HERC1: variants seen among roughly 807,000 people sequenced by gnomAD.
HERC1 encodes HECT and RLD domain containing E3 ubiquitin protein ligase family member 1.
A neutral mutation model predicts 554.3 loss-of-function variants in HERC1; 160 were observed. The observed-to-expected ratio is 0.29, with a 90% CI of 0.25 to 0.33. The LOEUF (loss-of-function observed/expected upper bound fraction) is 0.33, where lower values mean the gene tolerates loss of function less well. HERC1 is among the 10% of genes least tolerant of loss of function. The pLI is 1.00. For synonymous variants in HERC1, 2,175 were observed against 2,131.7 expected, an observed-to-expected ratio of 1.02 and a Z score of -0.56; for missense variants, 4,919 against 5,918.5, an observed-to-expected ratio of 0.83 and a Z score of 5.54.
chr15:63,831,472 TTA>T (rs1267594131), intron 1 of HERC1, among the ~76,000 whole-genome samples: 1 of 152,246 alleles, frequency 6.6e-6, no homozygotes, highest in Non-Finnish European at 1.5e-5. Context: ...TTACTTGCTA[TTA>T]TATAGTTATC....
At chr15:63,719,127 G>C (rs1262593834) in intron 19 of HERC1, among the ~76,000 whole-genome samples, 1 of 152,114 alleles carries the variant, frequency 6.6e-6, no homozygotes, top group Non-Finnish European at 1.5e-5. Flanking sequence ...GGAGGAGCAG[G>C]GTGGGAGATA....
At chr15:63,801,813 T>C (rs541916870) in intron 1 of HERC1, among the ~76,000 whole-genome samples, 1 of 152,312 alleles carries the variant, frequency 6.6e-6, no homozygotes, top group East Asian at 1.9e-4. Flanking sequence ...CTCCTCCTCT[T>C]CATGTACATA....
In HERC1 at chr15:63,609,046, G is replaced by C. The variant is rs2067479376; in HGVS notation, c.*35C>G. On this transcript the variant is annotated 3_prime_UTR_variant, in exon 78 of 78. Transcript: ENST00000443617. ...CATCAAATCAGAAGTGAGCATTATT[G>C]AGGGAGAGAAGGGAGGGTGAGAGCA... 1 of 1,582,416 alleles carries C rather than the reference G, an allele frequency of 6.3e-7. No individual in the cohort carries two copies. The highest frequency in any genetic ancestry group is 8.6e-7 in the Non-Finnish European group (1 of 1,157,584).
chr15:63,615,342 C>G (rs961422996), intron 76 of HERC1, among the ~76,000 whole-genome samples: 1 of 152,228 alleles, frequency 6.6e-6, no homozygotes, highest in African/African-American at 2.4e-5. Flanking sequence ...AGTGCGGTGG[C>G]TCACACCTGT....
intron 1 of HERC1, among the ~76,000 whole-genome samples, chr15:63,809,008 T>C (rs2077216652): frequency 6.6e-6 from 1 of 151,964 alleles, no homozygotes; most frequent in Non-Finnish European, 1.5e-5. Flanking sequence ...AAATAAAAAA[T>C]GAAGAAATAG....
At chr15:63,621,441 T>G (rs569572985) in intron 74 of HERC1, among the ~76,000 whole-genome samples, 109 of 152,306 alleles carry the variant, frequency 7.2e-4, no homozygotes, top group African/African-American at 2.3e-3. Flanking sequence ...TTCCTTCATT[T>G]CAACTTTGGT....
chr15:63,631,133 C>T (rs1305482377), intron 68 of HERC1, among the ~76,000 whole-genome samples: 2 of 152,168 alleles, frequency 1.3e-5, no homozygotes, highest in Non-Finnish European at 2.9e-5. Context: ...CACATGCCAC[C>T]ATGCCTGGCT....
intron 1 of HERC1, among the ~76,000 whole-genome samples, chr15:63,798,593 T>G (rs1178201176): frequency 1.3e-5 from 2 of 150,022 alleles, no homozygotes; most frequent in Non-Finnish European, 1.5e-5. Flanking sequence ...ACTTGAAAAC[T>G]AGTGCTTTCT....
At chr15:63,755,485 G>A (rs1418308854) in intron 5 of HERC1, among the ~76,000 whole-genome samples, 160 bp from the exon 6 acceptor site, 1 of 152,204 alleles carries the variant, frequency 6.6e-6, no homozygotes, top group Non-Finnish European at 1.5e-5. Context: ...AAGGATGACT[G>A]GCTAAGAGTT....
intron 1 of HERC1, among the ~76,000 whole-genome samples, chr15:63,817,965 C>A (rs1273921022): frequency 6.6e-6 from 1 of 151,828 alleles, no homozygotes; most frequent in Non-Finnish European, 1.5e-5. Context: ...ATAGATTAAT[C>A]CAGAGTCAGG....
intron 63 of HERC1, 126 bp from the exon 64 acceptor site, chr15:63,637,769 G>A (rs2152828171): frequency 4.9e-6 from 3 of 610,808 alleles, no homozygotes; most frequent in Non-Finnish European, 8.0e-6. Flanking sequence ...TACTGAAAGG[G>A]AAGAGTTGAT....
In HERC1 at chr15:63,766,486, G is replaced by A. The variant is rs544365229; in HGVS notation, c.931-2295C>T. Reference sequence around the variant, plus strand: ...GCCTGTAATCCTAGATACTTGAGAGGCTGAGGCAGGAAAATCGCTTGAACC... The same window carrying A: ...GCCTGTAATCCTAGATACTTGAGAGACTGAGGCAGGAAAATCGCTTGAACC... On this transcript the variant is annotated intron_variant, in intron 2 of 77. Transcript: ENST00000443617. Among the ~76,000 whole-genome samples the A allele has an allele frequency of 2.0e-5, 3 of 152,280 alleles. No homozygotes were observed. The South Asian group carries it at 6.2e-4, about 32-fold the overall frequency.
At chr15:63,641,877 G>T (rs1291168100) in intron 59 of HERC1, among the ~76,000 whole-genome samples, 1 of 151,720 alleles carries the variant, frequency 6.6e-6, no homozygotes, top group African/African-American at 2.4e-5. Context: ...TGATTAGCTG[G>T]TACTTTTTAA....
At position 63,754,068 on chromosome 15, in the gene HERC1, G is replaced by A. The variant is rs796503827; in HGVS notation, c.1774+437C>T. Among the ~76,000 whole-genome samples, 10 of 152,108 alleles carry A rather than the reference G, an allele frequency of 6.6e-5. 1 individual carries two copies. The South Asian group carries it at 2.1e-3, about 32-fold the overall frequency. On this transcript the variant is annotated intron_variant, in intron 7 of 77. Coordinates refer to ENST00000443617, the MANE Select transcript of HERC1 (RefSeq NM_003922.4). ...GCATGCCTGTAGTCCCAGCTACTTGGGGGGCTGAGGCAGGAGGATCGCTTG... is the reference window on the plus strand; with the variant it reads ...GCATGCCTGTAGTCCCAGCTACTTGAGGGGCTGAGGCAGGAGGATCGCTTG...
intron 1 of HERC1, among the ~76,000 whole-genome samples, chr15:63,783,598 G>A (rs1053945069): frequency 6.6e-6 from 1 of 151,910 alleles, no homozygotes; most frequent in Non-Finnish European, 1.5e-5. Context: ...TGTACTTTTC[G>A]CTTTATTGCA....
At position 63,718,020 on chromosome 15, in the gene HERC1, GA is replaced by G. The variant is rs2073640284; in HGVS notation, c.3978+553del. ...TCCTAGTTGTGTCCTCCGGAACAAG[GA>G]AAACATTTATTTCCTCTCTTACAGA... is the stretch of plus-strand genomic sequence containing the variant. On this transcript the variant is annotated intron_variant, in intron 21 of 77. Coordinates refer to ENST00000443617, the MANE Select transcript of HERC1 (RefSeq NM_003922.4). The surrounding 1 kb of genome is among the most constrained non-coding windows in gnomAD (Gnocchi z 4.2). 6.6e-6 allele frequency among the ~76,000 whole-genome samples: 1 copy of G among 150,694 alleles called. No individual in the cohort carries two copies. Among genetic ancestry groups the G allele is most frequent in the African/African-American group, 2.4e-5 (1 of 40,972 alleles).
chr15:63,782,821 A>C (rs767554677), intron 1 of HERC1, among the ~76,000 whole-genome samples: 6 of 152,230 alleles, frequency 3.9e-5, no homozygotes, highest in Non-Finnish European at 5.9e-5. Context: ...AAGAGTTTGG[A>C]AGAAGTTGAT....
intron 1 of HERC1, among the ~76,000 whole-genome samples, chr15:63,799,996 T>G (rs770543362): frequency 2.6e-4 from 39 of 152,012 alleles, no homozygotes; most frequent in East Asian, 1.2e-3. Flanking sequence ...TAGCCAGATG[T>G]GGTGGTATAT....
chr15:63,638,268 G>T, intron 63 of HERC1, 143 bp downstream of exon 63: 1 of 862,908 alleles, frequency 1.2e-6, no homozygotes, highest in Non-Finnish European at 1.8e-6. Context: ...GTTTTTATTT[G>T]AAAGCTATAT....
Sources: gnomAD v4.1 joint callset for allele counts (sites outside exome capture counted in the v4.1 genomes callset) on GRCh38, gnomAD v4.1.1 for gene constraint, Gnocchi (gnomAD v3.1) non-coding constraint, MANE v1.5 for transcripts, NCBI Gene and HGNC (gene_info 2026-07-23, HGNC 2026-07-21) for gene names.